Variants in STK3 observed in about 807,000 individuals in gnomAD.
STK3 encodes serine/threonine kinase 3.
STK3 carries 41 observed loss-of-function variants against 58.0 expected under a neutral mutation model. The observed-to-expected ratio is 0.71, with a 90% CI of 0.55 to 0.92. The LOEUF (loss-of-function observed/expected upper bound fraction) is 0.92. Ranked by LOEUF, STK3 falls within the 40% of genes least tolerant of loss-of-function variation. The pLI is 0.00. For synonymous variants in STK3, 170 were observed against 191.0 expected, an observed-to-expected ratio of 0.89 and a Z score of 0.91; for missense variants, 479 against 602.7, an observed-to-expected ratio of 0.79 and a Z score of 2.15.
At position 98,428,121 on chromosome 8, in the gene STK3, C is replaced by T; in HGVS notation, n.483+6006G>A. On this transcript the variant is annotated intron_variant and non_coding_transcript_variant, in intron 3 of 3. Coordinates refer to the STK3 transcript ENST00000517832. The surrounding 1 kb of genome is among the most constrained non-coding windows in gnomAD (Gnocchi z 6.7). ...CGAGACGCGCCTGGGCCGCTTGCTG[C>T]TCTGCCACTCGCGCGAGGCCATTCT... is the stretch of plus-strand genomic sequence containing the variant. 2 of 1,613,964 alleles carry T rather than the reference C, an allele frequency of 1.2e-6. No homozygotes were observed. Among genetic ancestry groups the T allele is most frequent in the Non-Finnish European group, 1.7e-6 (2 of 1,180,018 alleles).
In STK3 at chr8:98,376,085, G is replaced by A. The variant is rs111994834; in HGVS notation, n.111+3068C>T. On this transcript the variant is annotated intron_variant and non_coding_transcript_variant, in intron 2 of 2. Coordinates refer to the STK3 transcript ENST00000518704. ...TTCCATATCCTTGTCAGCACTTGGT[G>A]CTATCAGTATATATTTCTAGAGACA... 1.1e-3 allele frequency among the ~76,000 whole-genome samples: 162 copies of A among 152,320 alleles called. 1 individual carries two copies. Among genetic ancestry groups the A allele is most frequent in the African/African-American group, 3.8e-3 (159 of 41,574 alleles).
chr8:98,416,074 T>C (rs2131047682), intron 3 of STK3, among the ~76,000 whole-genome samples: 1 of 152,184 alleles, frequency 6.6e-6, no homozygotes, highest in Non-Finnish European at 1.5e-5. Context: ...GAAAACACTG[T>C]AGGCTTTCAC....
At chr8:98,409,443 C>A (rs1818031811) in intron 3 of STK3, among the ~76,000 whole-genome samples, 1 of 152,236 alleles carries the variant, frequency 6.6e-6, no homozygotes, top group African/African-American at 2.4e-5. Flanking sequence ...CTCTACTTCT[C>A]TTCCTTCCCA....
chr8:98,743,096 G>C (rs1052652796), intron 4 of STK3, among the ~76,000 whole-genome samples: 16 of 152,154 alleles, frequency 1.1e-4, no homozygotes, highest in Middle Eastern at 3.4e-3. Context: ...CAAAGAAATG[G>C]AAGAACATTC....
rs979547564 is a variant in STK3, at chr8:98,800,009, G to T, written c.27-25190C>A. ...GGGATAGTACAAGATGCCACCCAGC[G>T]TTTACAGGAAAAGGCTTCTGAAATC... On this transcript the variant is annotated intron_variant, in intron 1 of 10. Coordinates refer to ENST00000419617, the MANE Select transcript of STK3 (RefSeq NM_006281.4). The surrounding 1 kb of genome is among the most constrained non-coding windows in gnomAD (Gnocchi z 4.8). Among the ~76,000 whole-genome samples, 4 of 152,134 alleles carry T rather than the reference G, an allele frequency of 2.6e-5. No individual in the cohort carries two copies. Among genetic ancestry groups the T allele is most frequent in the Non-Finnish European group, 5.9e-5 (4 of 68,036 alleles).
chr8:98,754,663 C>T lies in STK3; in HGVS notation c.237-5273G>A, dbSNP rs112592938. Among the ~76,000 whole-genome samples, 485 of 152,152 alleles carry T rather than the reference C, an allele frequency of 3.2e-3. 4 individuals carry two copies. Among genetic ancestry groups the T allele is most frequent in the African/African-American group, 0.011 (458 of 41,494 alleles). ...TAGCTGGGATTACAGGCCTGTGTCA[C>T]CACGCCCAGCTAATTTTTGTAGTTT... On this transcript the variant is annotated intron_variant, in intron 3 of 10. Transcript: ENST00000419617.
intron 10 of STK3, among the ~76,000 whole-genome samples, chr8:98,479,984 G>C (rs1821715312): frequency 1.3e-5 from 2 of 152,044 alleles, no homozygotes; most frequent in Non-Finnish European, 2.9e-5. Context: ...CTTAATAGCA[G>C]AATGAAGATG....
intron 1 of STK3, among the ~76,000 whole-genome samples, chr8:98,902,538 C>T (rs1023686701): frequency 1.3e-5 from 2 of 152,196 alleles, no homozygotes; most frequent in Non-Finnish European, 2.9e-5. Context: ...TCCCTCACCA[C>T]GCCCATCCAG....
At chr8:98,608,213 G>A (rs979964655) in intron 6 of STK3, among the ~76,000 whole-genome samples, 1 of 151,702 alleles carries the variant, frequency 6.6e-6, no homozygotes, top group African/African-American at 2.4e-5. Flanking sequence ...CATTTCCATT[G>A]AAATAATGTG....
At chr8:98,910,698 T>A (rs1163145403) in intron 1 of STK3, among the ~76,000 whole-genome samples, 2 of 152,226 alleles carry the variant, frequency 1.3e-5, no homozygotes, top group African/African-American at 2.4e-5. Context: ...ACTGCTGGGT[T>A]GTGGGAGATT....
At chr8:98,470,271 A>G (rs1262143766) in intron 10 of STK3, among the ~76,000 whole-genome samples, 1 of 152,172 alleles carries the variant, frequency 6.6e-6, no homozygotes, top group Admixed American at 6.5e-5. Context: ...CTTCTAGCCT[A>G]TTTTCAGTTA....
chr8:98,927,718 A>T (rs1839853804), intron 1 of STK3, among the ~76,000 whole-genome samples: 1 of 152,230 alleles, frequency 6.6e-6, no homozygotes, highest in South Asian at 2.1e-4. Flanking sequence ...TGCTATTAAC[A>T]TGAAAGGAAA....
chr8:98,932,033 T>G (rs1041656816), intron 1 of STK3, among the ~76,000 whole-genome samples: 3 of 152,206 alleles, frequency 2.0e-5, no homozygotes, highest in African/African-American at 7.2e-5. Context: ...ATCAACGAAA[T>G]GCCTGGATCC....
downstream of STK3, chr8:98,883,610 T>C (rs1837876414): frequency 2.9e-6 from 2 of 700,042 alleles, no homozygotes; most frequent in Admixed American, 2.0e-5. Context: ...AACTGCTGCC[T>C]GGTCTGAGGA....
chr8:98,761,204 A>T (rs2131410369), intron 3 of STK3, among the ~76,000 whole-genome samples: 1 of 151,766 alleles, frequency 6.6e-6, no homozygotes, highest in East Asian at 1.9e-4. Flanking sequence ...GGTCATTGTA[A>T]CCTCTGCTTC....
chr8:98,827,051 A>C (rs866448758), upstream of STK3, among the ~76,000 whole-genome samples: 62 of 132,474 alleles, frequency 4.7e-4, no homozygotes, highest in Admixed American at 6.3e-4. Context: ...AATTGTCAAG[A>C]TGGGCCGGGC....
chr8:98,348,193 T>C, the STK3 span, among the ~76,000 whole-genome samples: 1 of 152,148 alleles, frequency 6.6e-6, no homozygotes. Context: ...ACTGGAATAA[T>C]TGGATATCCA....
chr8:98,371,896 A>G (rs74484620), intron 2 of STK3, among the ~76,000 whole-genome samples: 2,575 of 152,288 alleles, frequency 0.017, 61 homozygotes, highest in African/African-American at 0.057. Context: ...CTGAACCCCT[A>G]GTACCAGTGG....
intron 3 of STK3, among the ~76,000 whole-genome samples, chr8:98,424,913 C>A (rs1306990007): frequency 6.6e-6 from 1 of 152,064 alleles, no homozygotes. Context: ...GCAGGCAGCT[C>A]GTAGTGAAAG....
Sources: gnomAD v4.1 joint callset for allele counts (sites outside exome capture counted in the v4.1 genomes callset) on GRCh38, gnomAD v4.1.1 for gene constraint, Gnocchi (gnomAD v3.1) non-coding constraint, MANE v1.5 for transcripts, NCBI Gene and HGNC (gene_info 2026-07-23, HGNC 2026-07-21) for gene names.